Variants in DOP1B observed in about 807,000 individuals in gnomAD.
DOP1B encodes DOP1 leucine zipper like protein B.
DOP1B carries 174 observed loss-of-function variants against 233.5 expected under a neutral mutation model. That is an observed-to-expected ratio of 0.75 (90% CI 0.66 to 0.85). DOP1B has a LOEUF of 0.85. DOP1B is among the 40% of genes least tolerant of loss of function. The pLI is 0.00. For missense variants in DOP1B, 2,652 were observed against 2,846.6 expected, an observed-to-expected ratio of 0.93 and a Z score of 1.56; for synonymous variants, 1,190 against 1,185.6, an observed-to-expected ratio of 1.00 and a Z score of -0.08.
chr21:36,231,208 C>T (rs2066761393), intron 14 of DOP1B, 74 bp downstream of exon 14: 5 of 1,495,072 alleles, frequency 3.3e-6, no homozygotes, highest in Non-Finnish European at 4.5e-6. Context: ...GGAATATCCC[C>T]TATCCACAAT....
At chr21:36,220,382 A>G (rs2066610875) in intron 10 of DOP1B, among the ~76,000 whole-genome samples, 1 of 152,264 alleles carries the variant, frequency 6.6e-6, no homozygotes, top group Admixed American at 6.5e-5. Context: ...AGAGAAAACC[A>G]TAAAACATTT....
chr21:36,258,785 GAGAGA>G (rs567083206), intron 23 of DOP1B, among the ~76,000 whole-genome samples: 1 of 152,152 alleles, frequency 6.6e-6, no homozygotes, highest in Non-Finnish European at 1.5e-5. Flanking sequence ...TGGCAAAGAA[GAGAGA>G]AGAGAAGAGA....
rs1012031282 is a variant in DOP1B, at chr21:36,156,868, C to G, written c.-102C>G. 1 of 152,572 alleles carries G rather than the reference C, an allele frequency of 6.6e-6. No homozygotes were observed. Among genetic ancestry groups the G allele is most frequent in the African/African-American group, 2.4e-5 (1 of 41,452 alleles). The allele number at this position is 152,572 out of a possible 1,614,324, so 9.5% of individuals were successfully genotyped here. On this transcript the variant is annotated 5_prime_UTR_variant, in exon 1 of 37. Coordinates refer to ENST00000691173, the MANE Select transcript of DOP1B (RefSeq NM_001320714.2). ...GCTCCCGGCCGCGCCGCAGCCCTGCCCAGTCTCTCTCCCCCAGCCCGGAGG... is the reference window on the plus strand; with the variant it reads ...GCTCCCGGCCGCGCCGCAGCCCTGCGCAGTCTCTCTCCCCCAGCCCGGAGG...
At chr21:36,210,851 C>T (rs2066488101) in intron 5 of DOP1B, among the ~76,000 whole-genome samples, 1 of 152,154 alleles carries the variant, frequency 6.6e-6, no homozygotes, top group Non-Finnish European at 1.5e-5. Flanking sequence ...CTTCCCATTG[C>T]CAACAGCTAT....
rs1290017449 is a variant in DOP1B at position 36,232,910 on chromosome 21, A to G, written c.2457A>G (p.Glu819=). Reference sequence around the variant, plus strand: ...ACGTGGCCATTTCCACTCTGCTGGAAGTGATAAACCATTCCCAGTCCCTGG... The same window carrying G: ...ACGTGGCCATTTCCACTCTGCTGGAGGTGATAAACCATTCCCAGTCCCTGG... ...LQNVAISTLL[E]VINHSQSLAL... The change falls in exon 15 of 37, where the codon GAA becomes GAG. Residue 819 remains glutamate (E), a synonymous_variant. Transcript: ENST00000691173. 6.2e-7 allele frequency: 1 copy of G among 1,613,946 alleles called. No individual in the cohort carries two copies. Among genetic ancestry groups the G allele is most frequent in the Non-Finnish European group, 8.5e-7 (1 of 1,180,018 alleles).
intron 30 of DOP1B, 106 bp downstream of exon 30, chr21:36,278,461 C>A (rs1028824245): frequency 8.0e-7 from 1 of 1,249,826 alleles, no homozygotes; most frequent in Non-Finnish European, 1.1e-6. Context: ...GCCATAGGAT[C>A]AACCCAAATA....
intron 14 of DOP1B, among the ~76,000 whole-genome samples, 167 bp downstream of exon 14, chr21:36,231,301 C>G (rs2066762484): frequency 6.6e-6 from 1 of 152,176 alleles, no homozygotes; most frequent in Admixed American, 6.5e-5. Flanking sequence ...TTCAGCATTC[C>G]TAATCCAGAA....
At chr21:36,233,119 C>T (rs765575635) in intron 15 of DOP1B, 44 bp downstream of exon 15, 10 of 1,590,330 alleles carry the variant, frequency 6.3e-6, no homozygotes, top group Middle Eastern at 1.7e-4. Flanking sequence ...TCCTTCTCCC[C>T]CTGAGCAAAA....
At chr21:36,240,490 A>T (rs533987771) in intron 18 of DOP1B, among the ~76,000 whole-genome samples, 112 of 152,172 alleles carry the variant, frequency 7.4e-4, no homozygotes, top group Non-Finnish European at 1.3e-3. Flanking sequence ...ATAAATACAT[A>T]AATAAATAAA....
intron 2 of DOP1B, among the ~76,000 whole-genome samples, chr21:36,194,443 G>A (rs936150888): frequency 3.4e-5 from 5 of 148,986 alleles, no homozygotes; most frequent in African/African-American, 1.2e-4. Context: ...TCTAAGTCCT[G>A]TTGGTTCATT....
intron 24 of DOP1B, chr21:36,261,304 G>A (rs546019723): frequency 7.2e-6 from 7 of 975,492 alleles, no homozygotes; most frequent in South Asian, 9.5e-5. Context: ...GGCGGAGGTT[G>A]CAGCGAGCCA....
Position 36,278,207 on chromosome 21 carries a change from A to G in DOP1B, c.5823-2A>G. 14 of 1,613,872 alleles carry G rather than the reference A, an allele frequency of 8.7e-6. No homozygotes were observed. The highest frequency in any genetic ancestry group is 1.1e-5 in the Non-Finnish European group (13 of 1,179,894). ...CCCTTCTCTCTTCCCACTCCCACTCAGTGCCTACAATGCTCCCAGCTTCCG... is the reference window on the plus strand; with the variant it reads ...CCCTTCTCTCTTCCCACTCCCACTCGGTGCCTACAATGCTCCCAGCTTCCG... On this transcript the variant is annotated splice_acceptor_variant, in intron 29 of 36. Transcript: ENST00000691173. LOFTEE classifies it high-confidence loss of function.
At chr21:36,262,625 C>T (rs749599918) in intron 24 of DOP1B, among the ~76,000 whole-genome samples, 11 of 152,092 alleles carry the variant, frequency 7.2e-5, no homozygotes, top group South Asian at 2.1e-4. Context: ...CGGTGGCTCA[C>T]GCTTGTAATC....
At chr21:36,240,098 A>G in intron 18 of DOP1B, 143 bp downstream of exon 18, 1 of 978,144 alleles carries the variant, frequency 1.0e-6, no homozygotes, top group South Asian at 1.8e-5. Context: ...GGACTTCGGC[A>G]ATTTAAGGAC....
chr21:36,272,204 A>G (rs2067296599), intron 27 of DOP1B, among the ~76,000 whole-genome samples: 1 of 150,986 alleles, frequency 6.6e-6, no homozygotes, highest in Admixed American at 6.6e-5. Context: ...AATTGTTAGC[A>G]GGGCTGGGTG....
intron 2 of DOP1B, chr21:36,169,136 G>T: frequency 1.1e-6 from 1 of 916,516 alleles, no homozygotes; most frequent in Non-Finnish European, 1.8e-6. Flanking sequence ...CAGCAAAGAT[G>T]TGCAGAGAAT....
At chr21:36,271,714 G>A (rs2067291639) in intron 27 of DOP1B, among the ~76,000 whole-genome samples, 1 of 152,078 alleles carries the variant, frequency 6.6e-6, no homozygotes, top group Admixed American at 6.5e-5. Context: ...CCTTCACTGA[G>A]CCTCAGTGGG....
At chr21:36,261,526 T>TC in intron 24 of DOP1B, 1 of 985,442 alleles carries the variant, frequency 1.0e-6, no homozygotes, top group Non-Finnish European at 1.2e-6. Context: ...CGCAGGTTTT[T>TC]CCCCATGGAT....
rs139865947 is a variant in DOP1B at position 36,247,737 on chromosome 21, A to G, written c.4809+109A>G. On this transcript the variant is annotated intron_variant, in intron 20 of 36. Coordinates refer to ENST00000691173, the MANE Select transcript of DOP1B (RefSeq NM_001320714.2). Reference sequence around the variant, plus strand: ...TATGTATGTAATGTCTGTAACTAATATGCGTATGGAGGTGATGCAAATGTG... The same window carrying G: ...TATGTATGTAATGTCTGTAACTAATGTGCGTATGGAGGTGATGCAAATGTG... The G allele has an allele frequency of 8.9e-4, 658 of 739,010 alleles. 4 individuals carry two copies. In the African/African-American group the frequency reaches 0.01, roughly 12 times the overall value. The allele number at this position is 739,010 out of a possible 1,614,324, so 45.8% of individuals were successfully genotyped here.
Sources: gnomAD v4.1 joint callset for allele counts (sites outside exome capture counted in the v4.1 genomes callset) on GRCh38, gnomAD v4.1.1 for gene constraint, MANE v1.5 for transcripts, NCBI Gene and HGNC (gene_info 2026-07-23, HGNC 2026-07-21) for gene names.